Variants in MADD observed in about 807,000 individuals in gnomAD.
MADD encodes the protein MAP kinase activating death domain.
In MADD, 109 loss-of-function variants were observed where a neutral mutation model predicts 176.7. The observed-to-expected ratio is 0.62, with a 90% CI of 0.53 to 0.72. The LOEUF is 0.72. Ranked by LOEUF, MADD falls within the 30% of genes least tolerant of loss-of-function variation. MADD has a pLI of 0.00. For synonymous variants in MADD, 771 were observed against 771.3 expected (o/e 1.00, Z 0.01); for missense variants, 1,914 against 2,045.5 (o/e 0.94, Z 1.24).
chr11:47,307,645 C>CTTTTTTT (rs1159637532), intron 22 of MADD, among the ~76,000 whole-genome samples: 1 of 142,324 alleles, frequency 7.0e-6, no homozygotes. Context: ...AGTTGAAAAT[C>CTTTTTTT]TTTTTTTTTT....
At chr11:47,327,128 C>T in intron 31 of MADD, 1 of 1,076,862 alleles carries the variant, frequency 9.3e-7, no homozygotes, top group Non-Finnish European at 1.1e-6. Context: ...ACACAGCAGA[C>T]TGGCGACCCC....
intron 22 of MADD, 132 bp downstream of exon 24, chr11:47,296,187 G>A (rs1002046081): frequency 9.9e-6 from 11 of 1,107,186 alleles, no homozygotes; most frequent in Non-Finnish European, 1.3e-5. Context: ...TCTTATATTT[G>A]GCTTTAAGGA....
chr11:47,302,656 C>CTT lies in MADD; in HGVS notation c.3643-5934_3643-5933dup, dbSNP rs1044486940. On this transcript the variant is annotated intron_variant, in intron 22 of 32. Coordinates refer to ENST00000402192, the Ensembl canonical transcript of MADD. ...GTGTCTTTGCTAGTGAAATGAGTTT[C>CTT]TTGTAGGCAGCATATAGTTAGGTCA... Among the ~76,000 whole-genome samples the CTT allele has an allele frequency of 2.0e-4, 31 of 151,718 alleles. 1 individual carries two copies. Among genetic ancestry groups the CTT allele is most frequent in the Admixed American group, 1.8e-3 (28 of 15,214 alleles).
At chr11:47,323,821 T>C (rs768461681) in exon 28 of MADD, 1 of 1,613,960 alleles carries the variant, frequency 6.2e-7, no homozygotes, top group Non-Finnish European at 8.5e-7. Context: ...GCTCAACAAG[T>C]TCTATACTAA....
At chr11:47,276,895 CCT>C (rs1485070727) in intron 5 of MADD, 32 bp downstream of exon 5, 2 of 1,611,176 alleles carry the variant, frequency 1.2e-6, no homozygotes, top group Non-Finnish European at 8.5e-7. Context: ...GGCTTTCTCA[CCT>C]CTGTCTTCCT....
chr11:47,322,378 C>T lies in MADD; in HGVS notation c.4198-1293C>T, dbSNP rs555063226. ...ATCCCAGCACTTTGGGAGGCCGAGG[C>T]GGGCGGATCATGAAGTCAGGAGATC... On this transcript the variant is annotated intron_variant, in intron 27 of 32. Transcript: ENST00000402192. Among the ~76,000 whole-genome samples the T allele has an allele frequency of 5.9e-5, 9 of 152,138 alleles. No homozygotes were observed. The South Asian group carries it at 6.2e-4, about 11-fold the overall frequency.
At position 47,299,584 on chromosome 11, in the gene MADD, GCTTTT is replaced by G. The variant is rs1281203032; in HGVS notation, c.3642+3530_3642+3534del. Among the ~76,000 whole-genome samples the G allele has an allele frequency of 9.4e-4, 61 of 65,232 alleles. 1 individual carries two copies. The highest frequency in any genetic ancestry group is 6.9e-3 in the Middle Eastern group (1 of 144). The allele number at this position is 65,232 out of a possible 152,430, so 42.8% of individuals were successfully genotyped here. On this transcript the variant is annotated intron_variant, in intron 22 of 32. Transcript: ENST00000402192. The stretch of plus-strand genomic sequence containing the variant: ...TGAGTTTTCTAGTGGAGATTTTAGG[GCTTTT>G]TTTTTTTTTTTTTTTTTTTTTTTAG...
exon 33 of MADD, chr11:47,329,304 TC>T: frequency 3.1e-6 from 2 of 643,514 alleles, no homozygotes; most frequent in Non-Finnish European, 5.6e-6. Context: ...CGGTTATGTG[TC>T]CCTCTGAGTG....
intron 20 of MADD, among the ~76,000 whole-genome samples, chr11:47,294,669 C>G (rs1299304408): frequency 1.8e-5 from 1 of 56,034 alleles, no homozygotes; most frequent in African/African-American, 7.0e-5. Flanking sequence ...GACTCCGTCT[C>G]AAAAAAAAAA....
At chr11:47,283,312 C>G (rs2058351890) in intron 10 of MADD, among the ~76,000 whole-genome samples, 1 of 151,806 alleles carries the variant, frequency 6.6e-6, no homozygotes, top group Non-Finnish European at 1.5e-5. Flanking sequence ...CCAGGATGAT[C>G]TCGATCTCCT....
chr11:47,283,068 A>G (rs2058115013), intron 10 of MADD, 99 bp downstream of exon 10: 1 of 966,356 alleles, frequency 1.0e-6, no homozygotes, highest in South Asian at 3.1e-5. Flanking sequence ...GGCTTCCCAT[A>G]TCAGTGTTTT....
At chr11:47,285,538 C>T (rs1427833125) in exon 14 of MADD, 2 of 1,614,202 alleles carry the variant, frequency 1.2e-6, no homozygotes, top group Admixed American at 3.3e-5. Flanking sequence ...CTCCCAACTC[C>T]ACCGTCTCCA....
Position 47,281,767 on chromosome 11 carries a change from G to T in MADD, c.1469+14G>T. On this transcript the variant is annotated intron_variant, in intron 8 of 32. Transcript: ENST00000402192. The stretch of plus-strand genomic sequence containing the variant: ...TGTTGCAACCAGGTAAGACCAAGCC[G>T]ACTGTATAATCACAAGTTCTTAAAT... The T allele has an allele frequency of 2.5e-6, 4 of 1,574,800 alleles. No homozygotes were observed. In the South Asian group the frequency reaches 3.4e-5, roughly 13 times the overall value.
chr11:47,282,918 C>A, exon 10 of MADD: 1 of 1,613,980 alleles, frequency 6.2e-7, no homozygotes, highest in Non-Finnish European at 8.5e-7. Flanking sequence ...CTGGCTGAGG[C>A]CCTGAGTGTA....
intron 9 of MADD, 43 bp from the exon 10 acceptor site, chr11:47,282,770 T>A (rs998568348): frequency 6.9e-6 from 11 of 1,605,182 alleles, no homozygotes; most frequent in Non-Finnish European, 9.4e-6. Flanking sequence ...CTTGCCTTTT[T>A]TTCCTTGCTG....
intron 1 of MADD, among the ~76,000 whole-genome samples, chr11:47,272,664 T>C (rs2045784646): frequency 6.6e-6 from 1 of 152,226 alleles, no homozygotes; most frequent in East Asian, 1.9e-4. Flanking sequence ...TAGAGAAGTG[T>C]ATAGACACTT....
At chr11:47,282,949 C>A in exon 10 of MADD, 2 of 1,613,722 alleles carry the variant, frequency 1.2e-6, no homozygotes, top group Non-Finnish European at 8.5e-7. Context: ...GGGACTCTGA[C>A]TCCGAACCTA....
At chr11:47,275,983 G>A in exon 4 of MADD, 1 of 1,614,176 alleles carries the variant, frequency 6.2e-7, no homozygotes, top group Non-Finnish European at 8.5e-7. Flanking sequence ...GAGAGATTGA[G>A]GCCTGGATCT....
intron 19 of MADD, 29 bp downstream of exon 20, chr11:47,290,845 A>G: frequency 1.3e-6 from 2 of 1,557,034 alleles, no homozygotes; most frequent in South Asian, 1.1e-5. Context: ...GGTGTGGTGG[A>G]GGGGTCCTGG....
Sources: allele counts gnomAD v4.1 joint callset (sites outside exome capture counted in the v4.1 genomes callset), GRCh38; gene constraint gnomAD v4.1.1; transcripts MANE v1.5; gene names NCBI Gene and HGNC (gene_info 2026-07-23, HGNC 2026-07-21).